Variants in GRM5 observed in about 807,000 individuals in gnomAD.
GRM5 encodes glutamate metabotropic receptor 5.
GRM5 carries 19 observed loss-of-function variants against 83.1 expected under a neutral mutation model. That is an observed-to-expected ratio of 0.23 (90% CI 0.16 to 0.34). GRM5 has a LOEUF of 0.34. GRM5 is among the 10% of genes least tolerant of loss of function. The pLI is 1.00. For missense variants in GRM5, 1,160 were observed against 1,588.3 expected, an observed-to-expected ratio of 0.73 and a Z score of 4.58; for synonymous variants, 675 against 633.6, an observed-to-expected ratio of 1.07 and a Z score of -0.98.
intron 3 of GRM5, among the ~76,000 whole-genome samples, chr11:88,775,610 A>T (rs150651267): frequency 0.025 from 3,822 of 152,274 alleles, 166 homozygotes; most frequent in African/African-American, 0.088. Context: ...TACTGCATTA[A>T]ATGTGTCCCA....
At chr11:88,584,205 TACACAC>T (rs10526384) in intron 7 of GRM5, among the ~76,000 whole-genome samples, 36 of 144,310 alleles carry the variant, frequency 2.5e-4, no homozygotes, top group East Asian at 1.2e-3. Flanking sequence ...TGTTTCAAAT[TACACAC>T]ACACACACAC....
At chr11:88,899,515 A>G (rs1246345606) in intron 2 of GRM5, among the ~76,000 whole-genome samples, 2 of 152,012 alleles carry the variant, frequency 1.3e-5, no homozygotes, top group Non-Finnish European at 2.9e-5. Flanking sequence ...TTTAAAATAT[A>G]TCCATGTTCT....
chr11:88,521,521 G>C (rs1353259413), intron 9 of GRM5, among the ~76,000 whole-genome samples: 2 of 152,106 alleles, frequency 1.3e-5, no homozygotes, highest in Non-Finnish European at 2.9e-5. Flanking sequence ...AGTCATTCCT[G>C]AGGCTGGACC....
intron 2 of GRM5, among the ~76,000 whole-genome samples, chr11:89,035,143 G>A (rs2135130797): frequency 6.6e-6 from 1 of 151,586 alleles, no homozygotes; most frequent in East Asian, 1.9e-4. Flanking sequence ...TAACCAGAGA[G>A]TATAATATTT....
chr11:88,890,098 C>T (rs1032149292), intron 2 of GRM5, among the ~76,000 whole-genome samples: 1 of 131,126 alleles, frequency 7.6e-6, no homozygotes, highest in Non-Finnish European at 1.6e-5. Context: ...TCTTGGCCAC[C>T]TGAAAGATAT....
chr11:89,055,124 T>C (rs774470609), intron 1 of GRM5, among the ~76,000 whole-genome samples: 12 of 152,192 alleles, frequency 7.9e-5, no homozygotes, highest in Non-Finnish European at 1.3e-4. Flanking sequence ...GCTTTGCACA[T>C]GCTGCTTCTG....
chr11:88,582,450 A>G (rs1943230892), intron 7 of GRM5, among the ~76,000 whole-genome samples: 1 of 152,176 alleles, frequency 6.6e-6, no homozygotes, highest in African/African-American at 2.4e-5. Flanking sequence ...ATGTGATAAA[A>G]TCTTTTGCTG....
intron 8 of GRM5, among the ~76,000 whole-genome samples, chr11:88,530,363 G>T (rs1020005145): frequency 6.6e-6 from 1 of 151,968 alleles, no homozygotes; most frequent in Non-Finnish European, 1.5e-5. Context: ...AGCTTGGCAT[G>T]AAAAACTCTC....
At chr11:88,511,482 C>A (rs1941367397) in intron 9 of GRM5, among the ~76,000 whole-genome samples, 1 of 152,208 alleles carries the variant, frequency 6.6e-6, no homozygotes, top group Non-Finnish European at 1.5e-5. Flanking sequence ...TCTTTCTCCG[C>A]TCTTTCCTGT....
chr11:89,056,946 C>G (rs1211820733), intron 1 of GRM5, among the ~76,000 whole-genome samples: 1 of 152,110 alleles, frequency 6.6e-6, no homozygotes, highest in African/African-American at 2.4e-5. Flanking sequence ...GGTAACCACA[C>G]ACTCTCATAT....
At chr11:88,794,052 G>A (rs925542211) in intron 3 of GRM5, among the ~76,000 whole-genome samples, 13 of 152,100 alleles carry the variant, frequency 8.5e-5, no homozygotes, top group African/African-American at 2.9e-4. Flanking sequence ...TGAATTCCTG[G>A]CCTAAAGCAA....
chr11:88,982,939 G>A (rs1939575513), intron 2 of GRM5, among the ~76,000 whole-genome samples: 1 of 152,164 alleles, frequency 6.6e-6, no homozygotes, highest in African/African-American at 2.4e-5. Context: ...GATGGCACAC[G>A]CCTGTAATCT....
At chr11:88,809,395 C>G (rs1456864597) in intron 3 of GRM5, among the ~76,000 whole-genome samples, 1 of 151,982 alleles carries the variant, frequency 6.6e-6, no homozygotes, top group East Asian at 1.9e-4. Flanking sequence ...TTAAGCAAGC[C>G]AATTAGGATG....
intron 3 of GRM5, among the ~76,000 whole-genome samples, chr11:88,846,281 G>C (rs1019729149): frequency 3.9e-5 from 6 of 152,148 alleles, no homozygotes; most frequent in African/African-American, 1.4e-4. Context: ...TCTAGAACAA[G>C]ACAGTGTATT....
At chr11:88,982,416 T>G (rs898309555) in intron 2 of GRM5, among the ~76,000 whole-genome samples, 1 of 152,262 alleles carries the variant, frequency 6.6e-6, no homozygotes, top group African/African-American at 2.4e-5. Context: ...CATGAATCAT[T>G]TGGAAAAAGA....
chr11:88,783,487 C>T (rs1053076375), intron 3 of GRM5, among the ~76,000 whole-genome samples: 2 of 152,078 alleles, frequency 1.3e-5, no homozygotes, highest in Admixed American at 1.3e-4. Flanking sequence ...TGTGTCAGAG[C>T]TGTAATTGGA....
intron 2 of GRM5, among the ~76,000 whole-genome samples, chr11:88,990,383 CA>C (rs1939922681): frequency 6.7e-6 from 1 of 150,026 alleles, no homozygotes; most frequent in African/African-American, 2.4e-5. Flanking sequence ...GCTTACCAAC[CA>C]AAAAGAGTCC....
At chr11:88,858,166 T>C (rs1944505445) in intron 2 of GRM5, among the ~76,000 whole-genome samples, 1 of 152,020 alleles carries the variant, frequency 6.6e-6, no homozygotes, top group African/African-American at 2.4e-5. Flanking sequence ...TTATTGGAAG[T>C]ACCAGAAGGA....
intron 7 of GRM5, among the ~76,000 whole-genome samples, chr11:88,581,445 G>C (rs565110326): frequency 3.5e-4 from 54 of 152,276 alleles, no homozygotes; most frequent in African/African-American, 1.2e-3. Flanking sequence ...GTGTGAATTT[G>C]AACATGGGCA....
Sources: allele counts gnomAD v4.1 joint callset (sites outside exome capture counted in the v4.1 genomes callset), GRCh38; gene constraint gnomAD v4.1.1; transcripts MANE v1.5; gene names NCBI Gene and HGNC (gene_info 2026-07-23, HGNC 2026-07-21).